Variants in ZNF696 observed in about 807,000 individuals in gnomAD.
ZNF696 encodes the protein zinc finger protein 696.
Under a neutral mutation model 12.3 loss-of-function variants are expected in ZNF696, and 10 were observed. That is an observed-to-expected ratio of 0.81 (90% confidence interval 0.50 to 1.38). ZNF696 has a LOEUF of 1.38. ZNF696 is among the 40% of genes most tolerant of loss of function. The pLI is 0.00. For synonymous variants in ZNF696, 304 were observed against 243.9 expected, an observed-to-expected ratio of 1.25 and a Z score of -2.29; for missense variants, 675 against 554.7, an observed-to-expected ratio of 1.22 and a Z score of -2.18.
intron 2 of ZNF696, chr8:143,295,369 T>C: frequency 2.0e-6 from 1 of 507,112 alleles, no homozygotes; most frequent in South Asian, 1.5e-5. Context: ...TAAAATTCTA[T>C]TTTTTTAAGA....
In ZNF696 at chr8:143,299,621, A is replaced by C. The variant is rs897464916; in HGVS notation, c.*2821A>C. Among the ~76,000 whole-genome samples, 43 of 152,188 alleles carry C rather than the reference A, an allele frequency of 2.8e-4. 2 individuals carry two copies. Among genetic ancestry groups the C allele is most frequent in the Non-Finnish European group, 7.3e-5 (5 of 68,040 alleles). On this transcript the variant is annotated 3_prime_UTR_variant, in exon 3 of 3. Coordinates refer to ENST00000330143, the MANE Select transcript of ZNF696 (RefSeq NM_030895.3). ...ACTGGACAACACAGTGAGAGCCCAT[A>C]AAATAAATAAATGAACTGAACACAA... is the stretch of plus-strand genomic sequence containing the variant.
Position 143,291,458 on chromosome 8 carries a change from G to C in ZNF696, c.-340G>C. 1 of 985,466 alleles carries C rather than the reference G, an allele frequency of 1.0e-6. No individual in the cohort carries two copies. Among genetic ancestry groups the C allele is most frequent in the African/African-American group, 1.7e-5 (1 of 57,372 alleles). The allele number at this position is 985,466 out of a possible 1,614,324, so 61.0% of individuals were successfully genotyped here. On this transcript the variant is annotated 5_prime_UTR_variant, in exon 1 of 3. Transcript: ENST00000330143. ...AGCTGCTCTGGACGCTGAGGCCCCG[G>C]CTTCTCTTGCTGGGGTGTCGATTCG... is the stretch of plus-strand genomic sequence containing the variant.
In ZNF696 at chr8:143,298,652, G is replaced by A. The variant is rs1447285941; in HGVS notation, c.*1852G>A. 6.6e-6 allele frequency among the ~76,000 whole-genome samples: 1 copy of A among 152,244 alleles called. No individual in the cohort carries two copies. The highest frequency in any genetic ancestry group is 1.5e-5 in the Non-Finnish European group (1 of 68,044). ...ATCCTGAAACTGTCATCATACAGGT[G>A]AGAGGATAGTTATGTGTGAGGTGTT... On this transcript the variant is annotated 3_prime_UTR_variant, in exon 3 of 3. Coordinates refer to ENST00000330143, the MANE Select transcript of ZNF696 (RefSeq NM_030895.3).
intron 1 of ZNF696, 52 bp from the exon 2 acceptor site, chr8:143,292,920 C>G (rs1433639697): frequency 2.0e-6 from 3 of 1,517,330 alleles, no homozygotes; most frequent in Non-Finnish European, 2.7e-6. Flanking sequence ...GCCCCTGGCC[C>G]CTGTACCTAG....
chr8:143,298,157 A>G lies in ZNF696; in HGVS notation c.*1357A>G, dbSNP rs1484911288. ...TGGGGTGCGGTTGCAGGATTCGCCC[A>G]TCCTGGTCTGGGTGTGGCTTGTGAC... On this transcript the variant is annotated 3_prime_UTR_variant, in exon 3 of 3. Coordinates refer to ENST00000330143, the MANE Select transcript of ZNF696 (RefSeq NM_030895.3). The G allele has an allele frequency of 6.6e-6, 1 of 152,122 alleles. No individual in the cohort carries two copies. The highest frequency in any genetic ancestry group is 1.5e-5 in the Non-Finnish European group (1 of 68,022). 9.4% of individuals were successfully genotyped at this position (152,122 alleles called of 1,614,324 possible).
chr8:143,297,705 A>C lies in ZNF696; in HGVS notation c.*905A>C, dbSNP rs1241655800. The C allele has an allele frequency of 1.3e-5, 2 of 152,040 alleles. No homozygotes were observed. The highest frequency in any genetic ancestry group is 2.9e-5 in the Non-Finnish European group (2 of 68,032). 9.4% of individuals were successfully genotyped at this position (152,040 alleles called of 1,614,324 possible). On this transcript the variant is annotated 3_prime_UTR_variant, in exon 3 of 3. Coordinates refer to ENST00000330143, the MANE Select transcript of ZNF696 (RefSeq NM_030895.3). ...GGGGTCCCCGGGGCCCACCGTCTGC[A>C]CTTGGCATCTGAAGTCGGGGTGGTC...
In ZNF696 at chr8:143,298,162, G is replaced by C. The variant is rs999206982; in HGVS notation, c.*1362G>C. 1.3e-5 allele frequency: 2 copies of C among 152,158 alleles called. No homozygotes were observed. The highest frequency in any genetic ancestry group is 4.8e-5 in the African/African-American group (2 of 41,426). 9.4% of individuals were successfully genotyped at this position (152,158 alleles called of 1,614,324 possible). The stretch of plus-strand genomic sequence containing the variant: ...TGCGGTTGCAGGATTCGCCCATCCT[G>C]GTCTGGGTGTGGCTTGTGACCACCT... On this transcript the variant is annotated 3_prime_UTR_variant, in exon 3 of 3. Transcript: ENST00000330143.
At position 143,295,924 on chromosome 8, in the gene ZNF696, C is replaced by T. The variant is rs1330748504; in HGVS notation, c.249C>T (p.Pro83=). ...AAAACCAGGAAGCCAGAGAGAGGCC[C>T]GGAGGTTCCCCTCGAGGCCCGGTCA... is the stretch of plus-strand genomic sequence containing the variant. ...LCENQEARER[P]GGSPRGPVTS... is the part of the protein sequence containing the mutation. The change falls in exon 3 of 3, where the codon CCC becomes CCT. Residue 83 remains proline (P), a synonymous_variant. Coordinates refer to ENST00000330143, the MANE Select transcript of ZNF696 (RefSeq NM_030895.3). 10 of 1,561,652 alleles carry T rather than the reference C, an allele frequency of 6.4e-6. No individual in the cohort carries two copies. The highest frequency in any genetic ancestry group is 8.7e-6 in the Non-Finnish European group (10 of 1,152,988).
chr8:143,296,987 C>T lies in ZNF696; in HGVS notation c.*187C>T, dbSNP rs888718583. The T allele has an allele frequency of 1.1e-5, 6 of 553,480 alleles. No individual in the cohort carries two copies. The highest frequency in any genetic ancestry group is 3.7e-5 in the East Asian group (1 of 27,282). The allele number at this position is 553,480 out of a possible 1,614,324, so 34.3% of individuals were successfully genotyped here. ...GGGAGCAATCAGGAGAGACAGGGCTCGGGGAAGGCGAGCGCTGCCCGCGGG... is the reference window on the plus strand; with the variant it reads ...GGGAGCAATCAGGAGAGACAGGGCTTGGGGAAGGCGAGCGCTGCCCGCGGG... On this transcript the variant is annotated 3_prime_UTR_variant, in exon 3 of 3. Transcript: ENST00000330143.
Position 143,291,762 on chromosome 8 carries a change from T to C in ZNF696, c.-36T>C, listed in dbSNP as rs1200434429. 1 of 985,456 alleles carries C rather than the reference T, an allele frequency of 1.0e-6. No homozygotes were observed. Among genetic ancestry groups the C allele is most frequent in the East Asian group, 1.1e-4 (1 of 8,812 alleles). The allele number at this position is 985,456 out of a possible 1,614,324, so 61.0% of individuals were successfully genotyped here. On this transcript the variant is annotated 5_prime_UTR_variant, in exon 1 of 3. Transcript: ENST00000330143. Reference sequence around the variant, plus strand: ...AACAGGAGGGCCTGTTCCCTAATTCTTGCCGGTAAGGTACTTGCAAAAATC... The same window carrying C: ...AACAGGAGGGCCTGTTCCCTAATTCCTGCCGGTAAGGTACTTGCAAAAATC...
chr8:143,297,124 G>C lies in ZNF696; in HGVS notation c.*324G>C, dbSNP rs1345351526. Reference sequence around the variant, plus strand: ...TGCTGCGGGGCAGTGGCCGGTGATTGAATCGGTCATTCCTCCGCAACCAGG... The same window carrying C: ...TGCTGCGGGGCAGTGGCCGGTGATTCAATCGGTCATTCCTCCGCAACCAGG... On this transcript the variant is annotated 3_prime_UTR_variant, in exon 3 of 3. Coordinates refer to ENST00000330143, the MANE Select transcript of ZNF696 (RefSeq NM_030895.3). 7.7e-5 allele frequency: 20 copies of C among 258,490 alleles called. No homozygotes were observed. The allele number at this position is 258,490 out of a possible 1,614,324, so 16.0% of individuals were successfully genotyped here.
At chr8:143,292,884 T>C (rs1815649888) in intron 1 of ZNF696, 88 bp from the exon 2 acceptor site, 1 of 1,155,028 alleles carries the variant, frequency 8.7e-7, no homozygotes, top group Non-Finnish European at 1.2e-6. Flanking sequence ...TCTGACAGTT[T>C]CCTCTGAAGG....
chr8:143,296,202 G>A lies in ZNF696; in HGVS notation c.527G>A (p.Ser176Asn). The A allele has an allele frequency of 6.3e-7, 1 of 1,594,176 alleles. No homozygotes were observed. The highest frequency in any genetic ancestry group is 8.5e-7 in the Non-Finnish European group (1 of 1,174,184). ...SHVVRHQRAH[S>N]GERPYACAEC... Reference sequence around the variant, plus strand: ...GTGGTCCGGCACCAGCGGGCGCACAGCGGGGAGAGGCCCTACGCGTGCGCC... The same window carrying A: ...GTGGTCCGGCACCAGCGGGCGCACAACGGGGAGAGGCCCTACGCGTGCGCC... The change falls in exon 3 of 3, where the codon AGC becomes AAC. Residue 176 changes from serine (S) to asparagine (N), a missense_variant. Transcript: ENST00000330143.
Position 143,292,954 on chromosome 8 carries a change from T to C in ZNF696, c.-30-18T>C. ...AGCCCTGGCTGTGATTTATTTTCCT[T>C]TTCTTTTACCTAAGCAGAAATTGTT... On this transcript the variant is annotated intron_variant, in intron 1 of 2. Coordinates refer to ENST00000330143, the MANE Select transcript of ZNF696 (RefSeq NM_030895.3). The C allele has an allele frequency of 6.2e-7, 1 of 1,605,502 alleles. No homozygotes were observed. Among genetic ancestry groups the C allele is most frequent in the Non-Finnish European group, 8.5e-7 (1 of 1,176,150 alleles).
chr8:143,291,427 C>G lies in ZNF696; in HGVS notation c.-371C>G. ...GACGGGGCGGGGACCGTAGCGGGTG[C>G]AGTCCAGCTGCTCTGGACGCTGAGG... On this transcript the variant is annotated 5_prime_UTR_variant, in exon 1 of 3. Coordinates refer to ENST00000330143, the MANE Select transcript of ZNF696 (RefSeq NM_030895.3). The G allele has an allele frequency of 1.0e-6, 1 of 986,178 alleles. No individual in the cohort carries two copies. Among genetic ancestry groups the G allele is most frequent in the Non-Finnish European group, 1.2e-6 (1 of 830,404 alleles). 61.1% of individuals were successfully genotyped at this position (986,178 alleles called of 1,614,324 possible).
At position 143,296,130 on chromosome 8, in the gene ZNF696, C is replaced by T. The variant is rs758885660; in HGVS notation, c.455C>T (p.Pro152Leu). The change falls in exon 3 of 3, where the codon CCG (proline) becomes CTG (leucine). Residue 152 changes from proline (P) to leucine (L), a missense_variant. Pro to Leu is a moderately conservative substitution (Grantham distance 98). Transcript: ENST00000330143. ...KHRSIHSGEK[P>L]YECSDCGKAF... ...CGGAGCATCCACTCGGGGGAGAAACCGTACGAGTGCAGCGACTGCGGGAAG... is the reference window on the plus strand; with the variant it reads ...CGGAGCATCCACTCGGGGGAGAAACTGTACGAGTGCAGCGACTGCGGGAAG... 15 of 1,609,840 alleles carry T rather than the reference C, an allele frequency of 9.3e-6. No homozygotes were observed. The Admixed American group carries it at 2.2e-4, about 23-fold the overall frequency.
chr8:143,292,254 A>T (rs978175649), intron 1 of ZNF696: 2 of 152,274 alleles, frequency 1.3e-5, no homozygotes, highest in African/African-American at 4.8e-5. Flanking sequence ...CACAGCACCC[A>T]GCCAAATTAC....
At chr8:143,291,841 G>T in intron 1 of ZNF696, 74 bp downstream of exon 1, 1 of 967,454 alleles carries the variant, frequency 1.0e-6, no homozygotes, top group Non-Finnish European at 1.2e-6. Context: ...AAAGCGGCGG[G>T]GTCTCGCTAT....
At chr8:143,293,661 G>A (rs1484583986) in intron 2 of ZNF696, among the ~76,000 whole-genome samples, 1 of 151,350 alleles carries the variant, frequency 6.6e-6, no homozygotes, top group East Asian at 1.9e-4. Context: ...CTGCAGGCTG[G>A]ATCCAGTAGA....
Sources: allele counts gnomAD v4.1 joint callset (sites outside exome capture counted in the v4.1 genomes callset), GRCh38; gene constraint gnomAD v4.1.1; transcripts MANE v1.5; gene names NCBI Gene and HGNC (gene_info 2026-07-23, HGNC 2026-07-21).